CDKL2: variants seen among roughly 807,000 people sequenced by gnomAD.
CDKL2 encodes the protein cyclin-dependent kinase-like 2.
CDKL2 carries 64 observed loss-of-function variants against 63.9 expected under a neutral mutation model. That is an observed-to-expected ratio of 1.00 (90% CI 0.82 to 1.23). The LOEUF (loss-of-function observed/expected upper bound fraction) is 1.23. Among genes scored for constraint, CDKL2 ranks in the 50% most tolerant of loss-of-function variants. The pLI, the probability that CDKL2 is intolerant of heterozygous loss-of-function variation, is 0.00. For missense variants in CDKL2, 656 were observed against 668.0 expected (o/e 0.98, Z 0.20); for synonymous variants, 211 against 229.2 (o/e 0.92, Z 0.72).
At chr4:75,600,665 G>T (rs1357297158) in intron 6 of CDKL2, among the ~76,000 whole-genome samples, 1 of 152,042 alleles carries the variant, frequency 6.6e-6, no homozygotes, top group Non-Finnish European at 1.5e-5. Context: ...TCGCCATGTT[G>T]CCCAGGCTGG....
chr4:75,592,273 A>G lies in CDKL2; in HGVS notation c.1417-4T>C. 4 of 1,525,384 alleles carry G rather than the reference A, an allele frequency of 2.6e-6. No homozygotes were observed. The highest frequency in any genetic ancestry group is 3.5e-6 in the Non-Finnish European group (4 of 1,144,008). The allele number at this position is 1,525,384 out of a possible 1,614,324, so 94.5% of individuals were successfully genotyped here. A position where few individuals can be genotyped will look rare whatever the true frequency, so the allele number is the denominator to read the frequency against. On this transcript the variant is annotated splice_polypyrimidine_tract_variant and splice_region_variant and intron_variant, in intron 10 of 13. Coordinates refer to ENST00000307465, the MANE Select transcript of CDKL2 (RefSeq NM_001330724.2). ...AGAGGTTTTTTTCACTAGAGACCTA[A>G]TATCATCAACATAGTCAACAAAAAA...
intron 12 of CDKL2, among the ~76,000 whole-genome samples, chr4:75,589,589 C>T (rs868585848): frequency 2.6e-5 from 4 of 152,128 alleles, no homozygotes; most frequent in Admixed American, 6.5e-5. Flanking sequence ...CAGGCGTGAG[C>T]CACCGCGCCC....
At chr4:75,625,780 T>C (rs1365956216) in intron 2 of CDKL2, 41 bp downstream of exon 2, 1 of 1,471,898 alleles carries the variant, frequency 6.8e-7, no homozygotes, top group East Asian at 2.3e-5. Flanking sequence ...AAAAAGAAAC[T>C]TATACTCATA....
At position 75,600,361 on chromosome 4, in the gene CDKL2, T is replaced by A. The variant is rs780965238; in HGVS notation, c.804A>T (p.Leu268Phe). The A allele has an allele frequency of 1.9e-6, 3 of 1,606,822 alleles. No individual in the cohort carries two copies. Among genetic ancestry groups the A allele is most frequent in the South Asian group, 2.2e-5 (2 of 90,392 alleles). The stretch of plus-strand genomic sequence containing the variant: ...AGGGTCTTTTGTCGGGGTCAATATG[T>A]AAGCATTTCTGAAAAATTAAGAACA... The part of the protein sequence containing the change: ...EVVIDLAKKC[L>F]HIDPDKRPFC... The change falls in exon 7 of 14, where the codon TTA (leucine) becomes TTT (phenylalanine). Residue 268 changes from leucine (L) to phenylalanine (F), a missense_variant. Transcript: ENST00000307465.
At position 75,605,441 on chromosome 4, in the gene CDKL2, C is replaced by T. The variant is rs1281391194; in HGVS notation, c.655+81G>A. On this transcript the variant is annotated intron_variant, in intron 5 of 13. Coordinates refer to ENST00000307465, the MANE Select transcript of CDKL2 (RefSeq NM_001330724.2). ...ACATATATAATCTTTAATGCAACAGCTTAAAAAATCACAAACACACAGGCA... is the reference window on the plus strand; with the variant it reads ...ACATATATAATCTTTAATGCAACAGTTTAAAAAATCACAAACACACAGGCA... 6.2e-6 allele frequency: 5 copies of T among 805,526 alleles called. No individual in the cohort carries two copies. The African/African-American group carries it at 8.8e-5, about 14-fold the overall frequency. The allele number at this position is 805,526 out of a possible 1,614,324, so 49.9% of individuals were successfully genotyped here.
chr4:75,586,215 G>C (rs6419106), intron 12 of CDKL2, among the ~76,000 whole-genome samples: 45,326 of 147,114 alleles, frequency 0.31, 7,866 homozygotes, highest in East Asian at 0.77. Flanking sequence ...GAAAACGTTT[G>C]GACTAACCTT....
chr4:75,600,354 C>T lies in CDKL2; in HGVS notation c.811G>A (p.Asp271Asn), dbSNP rs547963762. 1.2e-6 allele frequency: 2 copies of T among 1,610,394 alleles called. No individual in the cohort carries two copies. Among genetic ancestry groups the T allele is most frequent in the East Asian group, 4.5e-5 (2 of 44,836 alleles). The change falls in exon 7 of 14, where the codon GAC becomes AAC. Residue 271 changes from aspartate to asparagine, a missense_variant. By Grantham distance (23) the Asp-to-Asn change is conservative (BLOSUM62 1). Coordinates refer to ENST00000307465, the MANE Select transcript of CDKL2 (RefSeq NM_001330724.2). ...IDLAKKCLHI[D>N]PDKRPFCAEL... ...GCACAGAAGGGTCTTTTGTCGGGGTCAATATGTAAGCATTTCTGAAAAATT... is the reference window on the plus strand; with the variant it reads ...GCACAGAAGGGTCTTTTGTCGGGGTTAATATGTAAGCATTTCTGAAAAATT...
At chr4:75,597,676 T>G (rs1316805903) in intron 8 of CDKL2, among the ~76,000 whole-genome samples, 1 of 152,218 alleles carries the variant, frequency 6.6e-6, no homozygotes, top group African/African-American at 2.4e-5. Flanking sequence ...AAAGCAAACC[T>G]AAGTTAAGTA....
chr4:75,587,570 G>A lies in CDKL2; in HGVS notation c.1647+4249C>T, dbSNP rs1161650869. 4.0e-5 allele frequency among the ~76,000 whole-genome samples: 6 copies of A among 151,864 alleles called. No individual in the cohort carries two copies. In the East Asian group the frequency reaches 5.8e-4, roughly 15 times the overall value. The stretch of plus-strand genomic sequence containing the variant: ...GATTAAAAAATACAACCTACCAAAA[G>A]AGACACAAGAAGAAACAGAAAATCT... On this transcript the variant is annotated intron_variant, in intron 12 of 13. Coordinates refer to ENST00000307465, the MANE Select transcript of CDKL2 (RefSeq NM_001330724.2).
chr4:75,629,091 A>G (rs2148922127), intron 1 of CDKL2, among the ~76,000 whole-genome samples: 1 of 152,272 alleles, frequency 6.6e-6, no homozygotes, highest in East Asian at 1.9e-4. Flanking sequence ...ATTTGAAAAA[A>G]AAAATCTCCA....
At chr4:75,596,812 C>G in intron 9 of CDKL2, 123 bp downstream of exon 9, 3 of 820,796 alleles carry the variant, frequency 3.7e-6, no homozygotes, top group Non-Finnish European at 5.6e-6. Flanking sequence ...AAACAGCTAC[C>G]TGACAAGAAT....
intron 4 of CDKL2, among the ~76,000 whole-genome samples, chr4:75,606,345 G>A (rs557581427): frequency 6.6e-6 from 1 of 151,998 alleles, no homozygotes; most frequent in East Asian, 1.9e-4. Context: ...CTCCCAAGTA[G>A]CTGGGATTAC....
At chr4:75,613,405 T>C (rs1258598490) in intron 3 of CDKL2, among the ~76,000 whole-genome samples, 1 of 152,220 alleles carries the variant, frequency 6.6e-6, no homozygotes, top group Non-Finnish European at 1.5e-5. Flanking sequence ...TTTTTCTTTC[T>C]TTTATAATTA....
intron 12 of CDKL2, among the ~76,000 whole-genome samples, chr4:75,585,798 AAGAG>A (rs1454956251): frequency 6.6e-6 from 1 of 152,122 alleles, no homozygotes; most frequent in East Asian, 1.9e-4. Context: ...AAACAGATAT[AAGAG>A]AGAAATAGGC....
In CDKL2 at chr4:75,598,109, A is replaced by C. The variant is rs1560579515; in HGVS notation, c.988T>G (p.Leu330Val). ...RKKEKEKDDS[L>V]VEERKTLVVQ... ...ACAAGTGTTTTTCTTTCTTCAACTA[A>C]GGAATCATCTTTTTCTTTTTCCTTC... is the stretch of plus-strand genomic sequence containing the variant. The change falls in exon 8 of 14, where the codon TTA becomes GTA. Residue 330 changes from leucine (L) to valine (V), a missense_variant. Physicochemically the swap from Leu to Val is conservative, Grantham distance 32. Transcript: ENST00000307465. 4 of 1,550,976 alleles carry C rather than the reference A, an allele frequency of 2.6e-6. No homozygotes were observed. Among genetic ancestry groups the C allele is most frequent in the Non-Finnish European group, 3.5e-6 (4 of 1,140,884 alleles).
chr4:75,625,950 C>A lies in CDKL2; in HGVS notation c.39G>T (p.Gly13=), dbSNP rs764585886. 2.2e-4 allele frequency: 361 copies of A among 1,611,372 alleles called. No individual in the cohort carries two copies. The highest frequency in any genetic ancestry group is 2.9e-4 in the Non-Finnish European group (338 of 1,179,416). Residue 13 remains glycine (G), a synonymous_variant, in exon 2 of 14, where the codon GGG becomes GGT. Transcript: ENST00000307465. ...KYENLGLVGE[G]SYGMVMKCRN... ...TACACTTCATCACCATTCCATAACT[C>A]CCTTCTCCAACCAAACCCAGGTTTT...
intron 12 of CDKL2, 114 bp from the exon 13 acceptor site, chr4:75,582,012 G>A (rs991911553): frequency 4.1e-5 from 28 of 681,214 alleles, no homozygotes; most frequent in Admixed American, 3.1e-4. Flanking sequence ...ACTATTCATA[G>A]CTCAAGTTGC....
Position 75,596,246 on chromosome 4 carries a change from C to A in CDKL2, c.1416+1G>T. 1 of 1,558,854 alleles carries A rather than the reference C, an allele frequency of 6.4e-7. No homozygotes were observed. Among genetic ancestry groups the A allele is most frequent in the Non-Finnish European group, 8.9e-7 (1 of 1,129,902 alleles). ...TCTACTACTGAGAACTGCTTACTTA[C>A]TAATGTGGTCACATTAATGTTATAA... On this transcript the variant is annotated splice_donor_variant, in intron 10 of 13. Transcript: ENST00000307465. LOFTEE classifies it high-confidence loss of function.
chr4:75,606,321 T>A (rs1729425788), intron 4 of CDKL2, among the ~76,000 whole-genome samples: 1 of 152,076 alleles, frequency 6.6e-6, no homozygotes, highest in Admixed American at 6.5e-5. Context: ...TTCAAGTGAT[T>A]CTCCTGCCCC....
Sources: gnomAD v4.1 joint callset for allele counts (sites outside exome capture counted in the v4.1 genomes callset) on GRCh38, gnomAD v4.1.1 for gene constraint, MANE v1.5 for transcripts, NCBI Gene and HGNC (gene_info 2026-07-23, HGNC 2026-07-21) for gene names.